Variants in CLEC9A observed in about 807,000 individuals in gnomAD.
CLEC9A encodes the protein C-type lectin domain family 9 member A.
Under a neutral mutation model 30.0 loss-of-function variants are expected in CLEC9A, and 24 were observed. That is an observed-to-expected ratio of 0.80 (90% CI 0.58 to 1.13). CLEC9A has a LOEUF of 1.13. Ranked by LOEUF, CLEC9A falls within the 50% of genes most tolerant of loss-of-function variation. CLEC9A has a pLI of 0.00. For missense variants in CLEC9A, 251 were observed against 280.9 expected (o/e 0.89, Z 0.76); for synonymous variants, 111 against 96.8 (o/e 1.15, Z -0.86).
At chr12:10,045,023 C>T (rs1865833699) in intron 2 of CLEC9A, among the ~76,000 whole-genome samples, 1 of 152,216 alleles carries the variant, frequency 6.6e-6, no homozygotes, top group Non-Finnish European at 1.5e-5. Flanking sequence ...CATAAATCCT[C>T]AGCTCAAAAA....
At chr12:10,036,948 C>T (rs935854503) in intron 1 of CLEC9A, among the ~76,000 whole-genome samples, 1 of 152,172 alleles carries the variant, frequency 6.6e-6, no homozygotes, top group African/African-American at 2.4e-5. Context: ...TCTCACTTAA[C>T]ATCATCAATA....
In CLEC9A at chr12:10,065,712, A is replaced by G; in HGVS notation, c.*80A>G. 1 of 1,526,322 alleles carries G rather than the reference A, an allele frequency of 6.6e-7. No individual in the cohort carries two copies. The highest frequency in any genetic ancestry group is 1.2e-5 in the South Asian group (1 of 82,162). 94.5% of individuals were successfully genotyped at this position (1,526,322 alleles called of 1,614,324 possible). On this transcript the variant is annotated 3_prime_UTR_variant, in exon 9 of 9. Coordinates refer to ENST00000355819, the MANE Select transcript of CLEC9A (RefSeq NM_207345.4). ...AAAACCCACCCCCACCCCCCCTCAAAAAAACAGAACAGTAAACCAAAATGT... is the reference window on the plus strand; with the variant it reads ...AAAACCCACCCCCACCCCCCCTCAAGAAAACAGAACAGTAAACCAAAATGT...
chr12:10,061,730 C>T (rs909039955), intron 6 of CLEC9A, among the ~76,000 whole-genome samples: 8 of 152,006 alleles, frequency 5.3e-5, no homozygotes, highest in Non-Finnish European at 1.2e-4. Flanking sequence ...CGATGCAGGA[C>T]CTAGCTCTTT....
chr12:10,051,750 C>T (rs928811937), intron 2 of CLEC9A, among the ~76,000 whole-genome samples: 5 of 152,162 alleles, frequency 3.3e-5, no homozygotes, highest in African/African-American at 1.2e-4. Flanking sequence ...TGATTAAAGT[C>T]TCAAATTTCT....
chr12:10,034,693 G>T (rs1259414962), intron 1 of CLEC9A, among the ~76,000 whole-genome samples: 1 of 152,172 alleles, frequency 6.6e-6, no homozygotes, highest in Non-Finnish European at 1.5e-5. Context: ...GTGTGCAATG[G>T]AGGTATGGCT....
intron 5 of CLEC9A, among the ~76,000 whole-genome samples, chr12:10,054,647 G>T (rs1471278073): frequency 2.6e-5 from 4 of 152,084 alleles, no homozygotes; most frequent in Non-Finnish European, 5.9e-5. Flanking sequence ...GCTAAAGCAT[G>T]CAATTTGAAA....
chr12:10,062,172 G>A (rs775747038), intron 6 of CLEC9A, among the ~76,000 whole-genome samples: 4 of 152,210 alleles, frequency 2.6e-5, no homozygotes, highest in Admixed American at 6.5e-5. Flanking sequence ...CTATAGCAAT[G>A]TTCAGGATAT....
intron 1 of CLEC9A, among the ~76,000 whole-genome samples, chr12:10,032,481 C>T (rs1442289176): frequency 4.6e-5 from 7 of 151,252 alleles, no homozygotes; most frequent in Non-Finnish European, 5.9e-5. Flanking sequence ...ATCTCCGCCT[C>T]CCGGGTTCAC....
intron 1 of CLEC9A, among the ~76,000 whole-genome samples, chr12:10,041,140 G>A (rs1346429659): frequency 6.6e-6 from 1 of 152,020 alleles, no homozygotes; most frequent in Non-Finnish European, 1.5e-5. Flanking sequence ...CAGCTACTCG[G>A]GAGGCTGAGG....
intron 5 of CLEC9A, among the ~76,000 whole-genome samples, chr12:10,054,638 C>CTAAA (rs1211547029): frequency 3.9e-5 from 6 of 152,150 alleles, no homozygotes; most frequent in African/African-American, 1.4e-4. Flanking sequence ...TGTTAACATG[C>CTAAA]TAAAGCATGC....
At chr12:10,033,962 A>T (rs555069276) in intron 1 of CLEC9A, among the ~76,000 whole-genome samples, 31 of 152,378 alleles carry the variant, frequency 2.0e-4, no homozygotes, top group Non-Finnish European at 3.5e-4. Flanking sequence ...AAGCAGAAGA[A>T]AAATAAATGG....
At chr12:10,057,910 C>T (rs148483852) in intron 5 of CLEC9A, among the ~76,000 whole-genome samples, 2 of 152,078 alleles carry the variant, frequency 1.3e-5, no homozygotes, top group African/African-American at 4.8e-5. Context: ...TTTGTTTTTA[C>T]TGTTCATTTT....
chr12:10,043,222 T>C, intron 2 of CLEC9A: 1 of 395,772 alleles, frequency 2.5e-6, no homozygotes, highest in Admixed American at 2.9e-5. Flanking sequence ...TAGGAATACA[T>C]CAAAGCCAGG....
At chr12:10,041,258 CA>C (rs1323015800) in intron 1 of CLEC9A, among the ~76,000 whole-genome samples, 1 of 151,496 alleles carries the variant, frequency 6.6e-6, no homozygotes, top group Non-Finnish European at 1.5e-5. Flanking sequence ...ACAACAACAA[CA>C]AAAACAAAAA....
At chr12:10,031,660 C>A (rs777925743) in intron 1 of CLEC9A, among the ~76,000 whole-genome samples, 3 of 152,114 alleles carry the variant, frequency 2.0e-5, no homozygotes, top group Non-Finnish European at 4.4e-5. Context: ...CAGTTAGTTA[C>A]ACCTGTAATC....
intron 6 of CLEC9A, 118 bp from the exon 7 acceptor site, chr12:10,062,937 T>G: frequency 1.3e-5 from 10 of 755,064 alleles, no homozygotes; most frequent in Non-Finnish European, 2.0e-5. Context: ...CTACATCATG[T>G]GGACCATTAC....
At chr12:10,065,466 G>A (rs1866035451) in intron 8 of CLEC9A, 34 bp from the exon 9 acceptor site, 1 of 1,612,114 alleles carries the variant, frequency 6.2e-7, no homozygotes, top group South Asian at 1.1e-5. Flanking sequence ...AAACTCCCAA[G>A]TCTAACCTCA....
intron 1 of CLEC9A, among the ~76,000 whole-genome samples, chr12:10,031,267 A>G (rs957473330): frequency 2.6e-5 from 4 of 152,220 alleles, no homozygotes; most frequent in South Asian, 2.1e-4. Context: ...GTGTATTTCA[A>G]TGGCCTGATA....
At chr12:10,033,072 C>T (rs1037069633) in intron 1 of CLEC9A, among the ~76,000 whole-genome samples, 17 of 151,796 alleles carry the variant, frequency 1.1e-4, no homozygotes, top group Admixed American at 9.2e-4. Flanking sequence ...ATTCATCTCA[C>T]GCACCAGATA....
Sources: allele counts gnomAD v4.1 joint callset (sites outside exome capture counted in the v4.1 genomes callset), GRCh38; gene constraint gnomAD v4.1.1; transcripts MANE v1.5; gene names NCBI Gene and HGNC (gene_info 2026-07-23, HGNC 2026-07-21).